Variants in GAD2 observed in about 807,000 individuals in gnomAD.
The protein encoded by GAD2 is glutamate decarboxylase 2.
GAD2 carries 22 observed loss-of-function variants against 80.1 expected under a neutral mutation model. The observed-to-expected ratio is 0.27, with a 90% confidence interval of 0.20 to 0.39. The LOEUF (loss-of-function observed/expected upper bound fraction) is 0.39, where lower values mean the gene tolerates loss of function less well. Ranked by LOEUF, GAD2 falls within the 10% of genes least tolerant of loss-of-function variation. GAD2 has a pLI of 1.00. For missense variants in GAD2, 624 were observed against 738.4 expected (o/e 0.85, Z 1.80); for synonymous variants, 274 against 256.9 (o/e 1.07, Z -0.64).
chr10:26,286,648 A>G (rs1349979255), intron 13 of GAD2, among the ~76,000 whole-genome samples, 154 bp downstream of exon 13: 1 of 152,248 alleles, frequency 6.6e-6, no homozygotes, highest in Non-Finnish European at 1.5e-5. Context: ...TTCATTTGAC[A>G]TGAGGAAAAA....
chr10:26,253,997 G>C (rs917501359), intron 8 of GAD2, among the ~76,000 whole-genome samples: 2 of 152,114 alleles, frequency 1.3e-5, no homozygotes, highest in African/African-American at 2.4e-5. Flanking sequence ...ATCATCATCA[G>C]GCATTAGTTA....
chr10:26,247,919 G>A (rs200627439), intron 8 of GAD2, among the ~76,000 whole-genome samples: 122 of 130,784 alleles, frequency 9.3e-4, no homozygotes, highest in Middle Eastern at 3.9e-3. Context: ...AAAAGGAAAA[G>A]AAAAAAAAAA....
chr10:26,288,714 C>CT (rs1834177863), intron 13 of GAD2, among the ~76,000 whole-genome samples: 1 of 152,098 alleles, frequency 6.6e-6, no homozygotes, highest in Non-Finnish European at 1.5e-5. Context: ...TTCTTTGTGG[C>CT]TTTTTTCCCC....
At chr10:26,223,321 A>T (rs1189418837) in intron 4 of GAD2, among the ~76,000 whole-genome samples, 1 of 152,222 alleles carries the variant, frequency 6.6e-6, no homozygotes, top group Non-Finnish European at 1.5e-5. Context: ...AGGGCAAATC[A>T]TTCAGCAGAG....
intron 7 of GAD2, among the ~76,000 whole-genome samples, chr10:26,234,102 T>A (rs1361282575): frequency 1.3e-5 from 2 of 152,036 alleles, no homozygotes; most frequent in Admixed American, 6.6e-5. Context: ...GGCAGGAGGA[T>A]TACTTGAGGT....
chr10:26,248,814 A>T (rs529622919), intron 8 of GAD2, among the ~76,000 whole-genome samples: 1 of 152,298 alleles, frequency 6.6e-6, no homozygotes, highest in East Asian at 1.9e-4. Flanking sequence ...CAATCAGAAA[A>T]AAAAATGGTG....
intron 12 of GAD2, among the ~76,000 whole-genome samples, chr10:26,281,703 C>T (rs980283426): frequency 6.6e-6 from 1 of 152,182 alleles, no homozygotes; most frequent in Non-Finnish European, 1.5e-5. Flanking sequence ...TTGAAACCAT[C>T]TTGAAAGATG....
chr10:26,227,956 C>G (rs1844550718), intron 6 of GAD2, among the ~76,000 whole-genome samples: 1 of 152,228 alleles, frequency 6.6e-6, no homozygotes, highest in Non-Finnish European at 1.5e-5. Flanking sequence ...GTGATGAGTG[C>G]TCTGTGCTGG....
intron 8 of GAD2, among the ~76,000 whole-genome samples, chr10:26,266,317 G>T (rs1220259012): frequency 6.6e-6 from 1 of 152,114 alleles, no homozygotes; most frequent in Non-Finnish European, 1.5e-5. Flanking sequence ...TAAGAATGGG[G>T]CCATGTATTT....
chr10:26,290,867 A>T (rs1834206671), intron 13 of GAD2, among the ~76,000 whole-genome samples: 1 of 152,254 alleles, frequency 6.6e-6, no homozygotes, highest in Non-Finnish European at 1.5e-5. Context: ...AATATTCAAT[A>T]TGAACGGGAG....
At chr10:26,231,945 C>A (rs1166517878) in intron 7 of GAD2, among the ~76,000 whole-genome samples, 2 of 152,166 alleles carry the variant, frequency 1.3e-5, no homozygotes. Flanking sequence ...CCAGGGCAAT[C>A]CCCCGTCTCA....
chr10:26,298,111 CAG>C (rs1005593355), intron 15 of GAD2, among the ~76,000 whole-genome samples: 10 of 152,128 alleles, frequency 6.6e-5, no homozygotes, highest in Admixed American at 2.6e-4. Context: ...TCTGTCTAGT[CAG>C]AGTTATAGTG....
intron 8 of GAD2, among the ~76,000 whole-genome samples, chr10:26,252,090 G>A (rs934837250): frequency 2.0e-5 from 3 of 152,154 alleles, no homozygotes; most frequent in East Asian, 1.9e-4. Context: ...CCCGTAATGC[G>A]CTTTGTAAAG....
At chr10:26,271,374 A>G (rs746669572) in intron 10 of GAD2, among the ~76,000 whole-genome samples, 2 of 151,882 alleles carry the variant, frequency 1.3e-5, no homozygotes. Flanking sequence ...ACATTTTCCA[A>G]TGAAAAAAAA....
In GAD2 at chr10:26,230,171, G is replaced by GA. The variant is rs1006282521; in HGVS notation, c.840+404dup. On this transcript the variant is annotated intron_variant, in intron 7 of 15. Coordinates refer to ENST00000376261, the MANE Select transcript of GAD2 (RefSeq NM_001134366.2). ...TGAAAGAGCAAGACCCTGTCTAAAA[G>GA]AAAAAAAAAAGGAAAATATTTTTAG... Among the ~76,000 whole-genome samples, 30 of 144,774 alleles carry GA rather than the reference G, an allele frequency of 2.1e-4. No individual in the cohort carries two copies. The East Asian group carries it at 3.8e-3, about 18-fold the overall frequency. 95.0% of individuals were successfully genotyped at this position (144,774 alleles called of 152,430 possible). A position where few individuals can be genotyped will look rare whatever the true frequency, so the allele number is the denominator to read the frequency against.
In GAD2 at chr10:26,217,395, G is replaced by C. The variant is rs1158361879; in HGVS notation, c.77-215G>C. Among the ~76,000 whole-genome samples, 1 of 152,150 alleles carries C rather than the reference G, an allele frequency of 6.6e-6. No individual in the cohort carries two copies. The highest frequency in any genetic ancestry group is 2.4e-5 in the African/African-American group (1 of 41,436). ...GGCAGCGGTGTGGGCTTCTCCTCGGGAAACAGATAAAGGAAATGAGGGCTG... is the reference window on the plus strand; with the variant it reads ...GGCAGCGGTGTGGGCTTCTCCTCGGCAAACAGATAAAGGAAATGAGGGCTG... On this transcript the variant is annotated intron_variant, in intron 1 of 15. Coordinates refer to ENST00000376261, the MANE Select transcript of GAD2 (RefSeq NM_001134366.2). This position sits in a 1 kb window ranked among gnomAD's most constrained non-coding sequence, Gnocchi z 4.9.
chr10:26,235,683 C>T (rs555119455), intron 7 of GAD2, among the ~76,000 whole-genome samples: 90 of 152,238 alleles, frequency 5.9e-4, no homozygotes, highest in Non-Finnish European at 9.7e-4. Context: ...AATCTCATCC[C>T]GTTCCCCAAA....
At chr10:26,300,650 G>C in intron 15 of GAD2, 138 bp from the exon 16 acceptor site, 2 of 717,286 alleles carry the variant, frequency 2.8e-6, no homozygotes, top group Non-Finnish European at 4.7e-6. Flanking sequence ...AGAAAACTTG[G>C]AGGTAACTCT....
At chr10:26,252,658 CCTT>C (rs1176347963) in intron 8 of GAD2, among the ~76,000 whole-genome samples, 19 of 147,792 alleles carry the variant, frequency 1.3e-4, no homozygotes, top group Non-Finnish European at 2.4e-4. Context: ...ACCCGGTACC[CCTT>C]CTTTTTTTTT....
Sources: allele counts gnomAD v4.1 joint callset (sites outside exome capture counted in the v4.1 genomes callset), GRCh38; gene constraint gnomAD v4.1.1; non-coding constraint Gnocchi (gnomAD v3.1); transcripts MANE v1.5; gene names NCBI Gene and HGNC (gene_info 2026-07-23, HGNC 2026-07-21).